The following EYS variants were observed in gnomAD, a reference collection of about 807,000 sequenced individuals.
The protein encoded by EYS is protein eyes shut homolog.
In EYS, 250 loss-of-function variants were observed where a neutral mutation model predicts 282.1. The observed-to-expected ratio is 0.89, with a 90% CI of 0.80 to 0.98. The LOEUF (loss-of-function observed/expected upper bound fraction) is 0.98, where lower values mean the gene tolerates loss of function less well. EYS is among the 50% of genes least tolerant of loss of function. EYS has a pLI of 0.00. For synonymous variants in EYS, 1,355 were observed against 1,282.9 expected, an observed-to-expected ratio of 1.06 and a Z score of -1.20; for missense variants, 4,016 against 3,709.0, an observed-to-expected ratio of 1.08 and a Z score of -2.15.
intron 7 of EYS, among the ~76,000 whole-genome samples, chr6:65,391,497 A>G (rs1452374139): frequency 6.6e-6 from 1 of 152,158 alleles, no homozygotes; most frequent in Non-Finnish European, 1.5e-5. Context: ...TCAATGTACA[A>G]AAATCACAAG....
intron 33 of EYS, among the ~76,000 whole-genome samples, chr6:64,029,544 A>C (rs925713503): frequency 7.9e-5 from 12 of 152,156 alleles, no homozygotes; most frequent in African/African-American, 2.2e-4. Flanking sequence ...CAACCCTGAC[A>C]CTTTTCTCCC....
At chr6:63,837,340 T>C (rs1223638834) in intron 36 of EYS, among the ~76,000 whole-genome samples, 1 of 152,058 alleles carries the variant, frequency 6.6e-6, no homozygotes, top group East Asian at 1.9e-4. Context: ...TTTTTTTTCT[T>C]GCTGCATGGA....
intron 31 of EYS, among the ~76,000 whole-genome samples, chr6:64,163,250 A>T (rs901438602): frequency 6.6e-5 from 10 of 152,108 alleles, no homozygotes; most frequent in African/African-American, 2.4e-4. Flanking sequence ...ATACTACATA[A>T]TATTATTTTT....
intron 5 of EYS, among the ~76,000 whole-genome samples, chr6:65,475,838 A>G (rs1765384478): frequency 6.6e-6 from 1 of 151,982 alleles, no homozygotes; most frequent in Admixed American, 6.6e-5. Flanking sequence ...CTTTCTCTTC[A>G]TGGAGTAATT....
chr6:63,832,452 A>C (rs1209316914), intron 36 of EYS, among the ~76,000 whole-genome samples: 1 of 152,246 alleles, frequency 6.6e-6, no homozygotes, highest in African/African-American at 2.4e-5. Flanking sequence ...ATGCAAATAA[A>C]CTAGAAAATC....
At chr6:64,162,792 A>G (rs1419028372) in intron 31 of EYS, among the ~76,000 whole-genome samples, 1 of 152,166 alleles carries the variant, frequency 6.6e-6, no homozygotes, top group Non-Finnish European at 1.5e-5. Flanking sequence ...ATTGATTTTT[A>G]TATATCACAA....
chr6:64,960,801 T>C (rs1769885624), intron 14 of EYS, among the ~76,000 whole-genome samples: 1 of 152,146 alleles, frequency 6.6e-6, no homozygotes, highest in Non-Finnish European at 1.5e-5. Context: ...CCCTACTCCC[T>C]ACTGCCACCC....
At chr6:64,537,869 GT>G (rs1408341850) in intron 26 of EYS, among the ~76,000 whole-genome samples, 6 of 152,186 alleles carry the variant, frequency 3.9e-5, no homozygotes, top group African/African-American at 1.4e-4. Flanking sequence ...TCAAATAGGA[GT>G]TTAGCTAACT....
rs1038659994 is a variant in EYS at position 63,720,604 on chromosome 6, C to A, written c.9427G>T (p.Val3143Phe). 2 of 1,476,694 alleles carry A rather than the reference C, an allele frequency of 1.4e-6. No individual in the cohort carries two copies. Among genetic ancestry groups the A allele is most frequent in the Non-Finnish European group, 1.8e-6 (2 of 1,109,868 alleles). The allele number at this position is 1,476,694 out of a possible 1,614,324, so 91.5% of individuals were successfully genotyped here. The change falls in exon 43 of 43, where the codon GTT (valine) becomes TTT (phenylalanine). Residue 3143 changes from valine (V) to phenylalanine (F), a missense_variant. Physicochemically the swap from Val to Phe is conservative, Grantham distance 50. Transcript: ENST00000503581. ...AAATCTCTAGTGTTAACTTATGTAA[C>A]CTCATTTTGTTCATCTCCATCATAA... ...NVYDGDEQNE[V>F]T is the part of the protein sequence containing the mutation.
chr6:64,370,220 G>A (rs1388697590), intron 29 of EYS, among the ~76,000 whole-genome samples: 1 of 151,810 alleles, frequency 6.6e-6, no homozygotes, highest in Non-Finnish European at 1.5e-5. Context: ...GTTTGTTGAG[G>A]GTTTTTAACA....
intron 26 of EYS, among the ~76,000 whole-genome samples, chr6:64,512,450 A>T (rs1582838735): frequency 6.6e-6 from 1 of 152,014 alleles, no homozygotes; most frequent in East Asian, 1.9e-4. Context: ...TGAAGACGGT[A>T]ATCATCAGAG....
intron 1 of EYS, among the ~76,000 whole-genome samples, chr6:65,697,334 T>G (rs1362118966): frequency 6.6e-6 from 1 of 152,102 alleles, no homozygotes; most frequent in East Asian, 1.9e-4. Context: ...CACATCAAAG[T>G]CACTTTTACA....
chr6:64,280,033 A>C (rs370525763), intron 30 of EYS, among the ~76,000 whole-genome samples: 9 of 152,172 alleles, frequency 5.9e-5, no homozygotes, highest in African/African-American at 2.2e-4. Context: ...AAGATTGTCA[A>C]TTGTTGCCCA....
At chr6:64,027,688 A>G (rs565933756) in intron 33 of EYS, among the ~76,000 whole-genome samples, 31 of 152,320 alleles carry the variant, frequency 2.0e-4, no homozygotes, top group South Asian at 8.3e-4. Flanking sequence ...AGATTGTCCA[A>G]TGAGAAACAA....
chr6:65,092,701 G>A (rs74560860), intron 12 of EYS, among the ~76,000 whole-genome samples: 104 of 152,226 alleles, frequency 6.8e-4, no homozygotes, highest in African/African-American at 2.3e-3. Flanking sequence ...ATCCAAGCAC[G>A]TATCTAATTA....
chr6:65,442,841 T>TACACATGTACATATATAC lies in EYS; in HGVS notation c.863-37475_863-37474insGTATATATGTACATGTGT, dbSNP rs1554197028. ...GTGTATATGTACATATATACATACA[T>TACACATGTACATATATAC]ATACACATACATATGTACATATATA... On this transcript the variant is annotated intron_variant, in intron 5 of 42. Transcript: ENST00000503581. 1.2e-4 allele frequency among the ~76,000 whole-genome samples: 12 copies of TACACATGTACATATATAC among 103,588 alleles called. 2 individuals are homozygous for TACACATGTACATATATAC. The highest frequency in any genetic ancestry group is 5.9e-4 in the South Asian group (2 of 3,398). The allele number at this position is 103,588 out of a possible 152,430, so 68.0% of individuals were successfully genotyped here.
intron 12 of EYS, among the ~76,000 whole-genome samples, chr6:65,267,721 T>C (rs1767795835): frequency 6.6e-6 from 1 of 151,980 alleles, no homozygotes; most frequent in South Asian, 2.1e-4. Flanking sequence ...ACCAGCTAAA[T>C]TCCAGGTAAA....
chr6:64,261,730 T>C lies in EYS; in HGVS notation c.6192-30906A>G, dbSNP rs114982454. Among the ~76,000 whole-genome samples, 216 of 152,130 alleles carry C rather than the reference T, an allele frequency of 1.4e-3. 1 individual carries two copies. The highest frequency in any genetic ancestry group is 5.0e-3 in the African/African-American group (207 of 41,538). The stretch of plus-strand genomic sequence containing the variant: ...GCATATATTGAGATGTTGCTATCTG[T>C]TATACTTTTCTTATTGGGCCTACTA... On this transcript the variant is annotated intron_variant, in intron 30 of 42. Coordinates refer to ENST00000503581, the MANE Select transcript of EYS (RefSeq NM_001142800.2).
chr6:65,042,730 G>T (rs1169578146), intron 13 of EYS, among the ~76,000 whole-genome samples: 1 of 151,246 alleles, frequency 6.6e-6, no homozygotes, highest in Admixed American at 6.6e-5. Context: ...GTATATTCTA[G>T]TGTATGTGCC....
Sources: allele counts gnomAD v4.1 joint callset (sites outside exome capture counted in the v4.1 genomes callset), GRCh38; gene constraint gnomAD v4.1.1; transcripts MANE v1.5; gene names NCBI Gene and HGNC (gene_info 2026-07-23, HGNC 2026-07-21).